The following CACNA1E variants were observed in gnomAD, a reference collection of about 807,000 sequenced individuals.
The protein encoded by CACNA1E is voltage-dependent R-type calcium channel subunit alpha-1E.
In CACNA1E, 40 loss-of-function variants were observed where a neutral mutation model predicts 259.2. The ratio of observed to expected loss-of-function variants is 0.15; its 90% confidence interval spans 0.12 to 0.20. The LOEUF (loss-of-function observed/expected upper bound fraction) is 0.20, where lower values mean the gene tolerates loss of function less well. CACNA1E is among the 10% of genes least tolerant of loss of function. The probability of loss-of-function intolerance (pLI) is 1.00; values close to 1 mark genes in which losing one functional copy is unlikely to be tolerated. For missense variants in CACNA1E, 1,874 were observed against 3,040.1 expected, an observed-to-expected ratio of 0.62 and a Z score of 9.02; for synonymous variants, 1,104 against 1,138.5, an observed-to-expected ratio of 0.97 and a Z score of 0.61.
chr1:181,323,605 T>G (rs1231616395), intron 1 of CACNA1E, among the ~76,000 whole-genome samples: 1 of 152,234 alleles, frequency 6.6e-6, no homozygotes, highest in Non-Finnish European at 1.5e-5. Flanking sequence ...GTTTGCTATA[T>G]TTACTGAATA....
At chr1:181,441,087 G>GTTC (rs1242077772) in intron 2 of CACNA1E, among the ~76,000 whole-genome samples, 1 of 145,266 alleles carries the variant, frequency 6.9e-6, no homozygotes, top group Non-Finnish European at 1.5e-5. Context: ...TCAAATCTGT[G>GTTC]TTCCACAGTG....
intron 3 of CACNA1E, among the ~76,000 whole-genome samples, chr1:181,527,791 T>G (rs1182270110): frequency 1.3e-5 from 2 of 152,216 alleles, no homozygotes; most frequent in East Asian, 3.8e-4. Context: ...TTGTTTTTGT[T>G]GCTTTCCAAT....
At chr1:181,707,941 C>A (rs543421611) in intron 7 of CACNA1E, among the ~76,000 whole-genome samples, 1 of 152,238 alleles carries the variant, frequency 6.6e-6, no homozygotes, top group South Asian at 2.1e-4. Context: ...AAGATGAGCT[C>A]TAAAGGGATG....
chr1:181,395,715 G>T (rs529045963), intron 1 of CACNA1E, among the ~76,000 whole-genome samples: 23 of 152,310 alleles, frequency 1.5e-4, no homozygotes, highest in Middle Eastern at 3.4e-3. Flanking sequence ...TTAAAGAATC[G>T]AGGCAGAAGA....
intron 1 of CACNA1E, among the ~76,000 whole-genome samples, chr1:181,325,238 T>A (rs892073197): frequency 6.6e-6 from 1 of 152,194 alleles, no homozygotes; most frequent in African/African-American, 2.4e-5. Flanking sequence ...ACATCTTGTG[T>A]GACAGCTGAG....
intron 3 of CACNA1E, among the ~76,000 whole-genome samples, chr1:181,545,292 T>C (rs1647325995): frequency 6.6e-6 from 1 of 152,254 alleles, no homozygotes. Flanking sequence ...TAACCCCTGT[T>C]ACATATAATA....
Position 181,806,187 on chromosome 1 carries a change from A to T in CACNA1E, c.*7353A>T, listed in dbSNP as rs376915881. On this transcript the variant is annotated 3_prime_UTR_variant, in exon 48 of 48. Transcript: ENST00000367573. ...ACATAGTAGCACCAATAAAGGAGAG[A>T]TTATGTTAACTTCCTAGTGGTGAGA... The T allele has an allele frequency of 7.9e-5, 12 of 152,310 alleles. No homozygotes were observed. In the East Asian group the frequency reaches 1.7e-3, roughly 22 times the overall value. The allele number at this position is 152,310 out of a possible 1,614,324, so 9.4% of individuals were successfully genotyped here. A position where few individuals can be genotyped will look rare whatever the true frequency, so the allele number is the denominator to read the frequency against.
intron 6 of CACNA1E, among the ~76,000 whole-genome samples, chr1:181,634,372 G>A (rs894933418): frequency 2.2e-4 from 33 of 152,304 alleles, no homozygotes; most frequent in Admixed American, 1.6e-3. Flanking sequence ...TTGATTCAGC[G>A]TTTTGTCATT....
At position 181,779,878 on chromosome 1, in the gene CACNA1E, A is replaced by G. The variant is rs115568897; in HGVS notation, c.5268-1549A>G. 1.7e-3 allele frequency among the ~76,000 whole-genome samples: 259 copies of G among 151,082 alleles called. 1 individual carries two copies. The highest frequency in any genetic ancestry group is 6.2e-3 in the African/African-American group (254 of 41,176). On this transcript the variant is annotated intron_variant, in intron 38 of 47. Transcript: ENST00000367573. ...TCCACCTTAGTCTGTATAGTTAATC[A>G]GAGGGACCTCTCCTTTCTCTATAGA... is the stretch of plus-strand genomic sequence containing the variant.
intron 7 of CACNA1E, among the ~76,000 whole-genome samples, chr1:181,654,628 A>G (rs1307997974): frequency 6.6e-6 from 1 of 152,232 alleles, no homozygotes; most frequent in African/African-American, 2.4e-5. Flanking sequence ...CACAGTATGT[A>G]GCAGTATGTA....
intron 2 of CACNA1E, among the ~76,000 whole-genome samples, chr1:181,476,049 T>C (rs1325908288): frequency 6.6e-6 from 1 of 151,702 alleles, no homozygotes; most frequent in African/African-American, 2.4e-5. Context: ...AACTGGGAGA[T>C]GTGGTGGCTG....
chr1:181,408,363 G>T (rs1306449830), intron 1 of CACNA1E, among the ~76,000 whole-genome samples: 1 of 152,122 alleles, frequency 6.6e-6, no homozygotes, highest in Non-Finnish European at 1.5e-5. Flanking sequence ...TAAGCCAAAG[G>T]GGTGCATGGA....
chr1:181,786,722 A>G (rs995172824), intron 43 of CACNA1E, among the ~76,000 whole-genome samples: 2 of 152,216 alleles, frequency 1.3e-5, no homozygotes, highest in South Asian at 2.1e-4. Context: ...GATTGGGTTT[A>G]ACAAAGTCCC....
chr1:181,681,916 C>T (rs1650013054), intron 7 of CACNA1E, among the ~76,000 whole-genome samples: 2 of 152,216 alleles, frequency 1.3e-5, no homozygotes. Context: ...AGCAGCTTCT[C>T]TCTGACCTCA....
At chr1:181,655,353 G>T (rs1253347011) in intron 7 of CACNA1E, among the ~76,000 whole-genome samples, 1 of 152,164 alleles carries the variant, frequency 6.6e-6, no homozygotes, top group Non-Finnish European at 1.5e-5. Flanking sequence ...TTCTGAAAGT[G>T]CCTGGTAATT....
intron 6 of CACNA1E, among the ~76,000 whole-genome samples, chr1:181,603,538 A>G (rs1286609508): frequency 2.0e-5 from 3 of 152,132 alleles, no homozygotes; most frequent in African/African-American, 7.2e-5. Context: ...TATTTCCAAG[A>G]GAGAAAAGCA....
intron 4 of CACNA1E, among the ~76,000 whole-genome samples, chr1:181,578,450 C>T (rs1317054424): frequency 2.0e-5 from 3 of 152,082 alleles, no homozygotes; most frequent in Non-Finnish European, 4.4e-5. Context: ...TCCTGTAGTC[C>T]CAGCTACTCA....
chr1:181,440,208 A>C (rs907066530), intron 2 of CACNA1E, among the ~76,000 whole-genome samples: 5 of 152,170 alleles, frequency 3.3e-5, no homozygotes, highest in Non-Finnish European at 7.3e-5. Flanking sequence ...TGCGGGGGAA[A>C]GAGGCAATTG....
intron 25 of CACNA1E, among the ~76,000 whole-genome samples, chr1:181,743,392 C>T (rs371632670): frequency 7.2e-5 from 11 of 152,230 alleles, no homozygotes; most frequent in East Asian, 5.8e-4. Flanking sequence ...CTGTTGCCAT[C>T]GCTGCTGCTT....
Sources: allele counts gnomAD v4.1 joint callset (sites outside exome capture counted in the v4.1 genomes callset), GRCh38; gene constraint gnomAD v4.1.1; transcripts MANE v1.5; gene names NCBI Gene and HGNC (gene_info 2026-07-23, HGNC 2026-07-21).